The following ABCB11 variants were observed in gnomAD, a reference collection of about 807,000 sequenced individuals.
The protein encoded by ABCB11 is bile salt export pump.
In ABCB11, 95 loss-of-function variants were observed where a neutral mutation model predicts 148.0. That is an observed-to-expected ratio of 0.64 (90% CI 0.54 to 0.76). ABCB11 has a LOEUF of 0.76. ABCB11 is among the 30% of genes least tolerant of loss of function. The probability of loss-of-function intolerance (pLI) is 0.00; values close to 1 mark genes in which losing one functional copy is unlikely to be tolerated. For missense variants in ABCB11, 1,523 were observed against 1,617.8 expected (o/e 0.94, Z 1.01); for synonymous variants, 591 against 555.4 (o/e 1.06, Z -0.90).
In ABCB11 at chr2:168,922,099, T is replaced by C. The variant is rs1186679376; in HGVS notation, c.*1523A>G. Among the ~76,000 whole-genome samples the C allele has an allele frequency of 1.3e-5, 2 of 152,144 alleles. No individual in the cohort carries two copies. Among genetic ancestry groups the C allele is most frequent in the Non-Finnish European group, 2.9e-5 (2 of 68,010 alleles). Reference sequence around the variant, plus strand: ...CTCTCGACCTCATGATCCGCCCGCCTTGGCCTCCCAAAGTGCTGGGATTAC... The same window carrying C: ...CTCTCGACCTCATGATCCGCCCGCCCTGGCCTCCCAAAGTGCTGGGATTAC... On this transcript the variant is annotated 3_prime_UTR_variant, in exon 28 of 28. Coordinates refer to ENST00000650372, the MANE Select transcript of ABCB11 (RefSeq NM_003742.4).
rs140992074 is a variant in ABCB11 at position 169,021,755 on chromosome 2, T to C, written c.-27-3603A>G. 1.2e-3 allele frequency among the ~76,000 whole-genome samples: 183 copies of C among 152,224 alleles called. 4 individuals are homozygous for C. The East Asian group carries it at 0.032, about 27-fold the overall frequency. ...TAATCAAATATATATTTAATTATAA[T>C]TGTAACACAATGTCGATAGATTTTC... On this transcript the variant is annotated intron_variant, in intron 1 of 27. Transcript: ENST00000650372.
intron 22 of ABCB11, among the ~76,000 whole-genome samples, chr2:168,936,023 C>T (rs1381439655): frequency 6.6e-6 from 1 of 152,220 alleles, no homozygotes; most frequent in Admixed American, 6.5e-5. Flanking sequence ...CGCTATTTCT[C>T]CACACTGGCT....
chr2:168,943,877 G>T (rs1047740861), intron 21 of ABCB11, among the ~76,000 whole-genome samples: 4 of 151,896 alleles, frequency 2.6e-5, no homozygotes, highest in African/African-American at 4.8e-5. Context: ...GTTTTTTAAA[G>T]AATTTATTAA....
At chr2:168,938,380 A>G (rs1210391046) in intron 21 of ABCB11, among the ~76,000 whole-genome samples, 1 of 152,238 alleles carries the variant, frequency 6.6e-6, no homozygotes, top group African/African-American at 2.4e-5. Context: ...TAGCATAGAG[A>G]AACTTCAAAA....
chr2:168,927,294 G>A lies in ABCB11; in HGVS notation c.3480C>T (p.Ser1160=). The A allele has an allele frequency of 6.2e-7, 1 of 1,613,826 alleles. No homozygotes were observed. The highest frequency in any genetic ancestry group is 8.5e-7 in the Non-Finnish European group (1 of 1,179,806). ...TACAGGCAAACAACACTGGTTCCTGGGAAACAATTCCAATGTTTGAGCGGA... is the reference window on the plus strand; with the variant it reads ...TACAGGCAAACAACACTGGTTCCTGAGAAACAATTCCAATGTTTGAGCGGA... The part of the protein sequence containing the change: ...QFLRSNIGIV[S]QEPVLFACSI... The change falls in exon 26 of 28, where the codon TCC becomes TCT. Residue 1160 remains serine (S), a synonymous_variant. Coordinates refer to ENST00000650372, the MANE Select transcript of ABCB11 (RefSeq NM_003742.4).
intron 23 of ABCB11, among the ~76,000 whole-genome samples, chr2:168,932,980 T>G (rs1270753286): frequency 6.6e-6 from 1 of 151,530 alleles, no homozygotes; most frequent in Non-Finnish European, 1.5e-5. Context: ...GTGGTGGTGG[T>G]CGCCTGTGGT....
chr2:169,004,382 T>C (rs1694962316), intron 5 of ABCB11, among the ~76,000 whole-genome samples: 1 of 152,190 alleles, frequency 6.6e-6, no homozygotes. Context: ...TTCTTTTTTC[T>C]TTGTCTTTGA....
At position 168,963,042 on chromosome 2, in the gene ABCB11, A is replaced by G. The variant is rs1047066292; in HGVS notation, c.2178+1164T>C. 3.0e-4 allele frequency among the ~76,000 whole-genome samples: 45 copies of G among 151,746 alleles called. 1 individual carries two copies. Among genetic ancestry groups the G allele is most frequent in the Non-Finnish European group, 4.4e-5 (3 of 67,784 alleles). Reference sequence around the variant, plus strand: ...ATAAAGAGTACTCTACTTTATTCCAAATTTGTCCATTATGAATCAATGTTT... The same window carrying G: ...ATAAAGAGTACTCTACTTTATTCCAGATTTGTCCATTATGAATCAATGTTT... On this transcript the variant is annotated intron_variant, in intron 18 of 27. Coordinates refer to ENST00000650372, the MANE Select transcript of ABCB11 (RefSeq NM_003742.4).
rs942516588 is a variant in ABCB11 at position 168,975,660 on chromosome 2, AATATT to A, written c.1308+912_1308+916del. 2.8e-4 allele frequency among the ~76,000 whole-genome samples: 39 copies of A among 138,360 alleles called. 11 individuals are homozygous for A. Among genetic ancestry groups the A allele is most frequent in the African/African-American group, 8.2e-4 (31 of 37,660 alleles). 90.8% of individuals were successfully genotyped at this position (138,360 alleles called of 152,430 possible). A position where few individuals can be genotyped will look rare whatever the true frequency, so the allele number is the denominator to read the frequency against. On this transcript the variant is annotated intron_variant, in intron 12 of 27. Transcript: ENST00000650372. ...ACATATATATGTATTATATATTACAAATATTATATTATATAAATATTTACCTGCAT... is the reference window on the plus strand; with the variant it reads ...ACATATATATGTATTATATATTACAAATATTATATAAATATTTACCTGCAT...
chr2:168,969,521 C>T lies in ABCB11; in HGVS notation c.1840G>A (p.Ala614Thr). The T allele has an allele frequency of 3.7e-6, 6 of 1,612,396 alleles. No homozygotes were observed. Among genetic ancestry groups the T allele is most frequent in the Non-Finnish European group, 5.1e-6 (6 of 1,179,098 alleles). Residue 614 changes from alanine (A) to threonine (T), a missense_variant, in exon 16 of 28, where the codon GCT becomes ACT. Transcript: ENST00000650372. The stretch of plus-strand genomic sequence containing the variant: ...GCTCTGACCGTAGACAAGCGATGAG[C>T]AACTGAAATGATTGTGTGCCCATGC... ...IQHGHTIISV[A>T]HRLSTVRAAD...
chr2:169,021,912 T>A (rs1453806717), intron 1 of ABCB11, among the ~76,000 whole-genome samples: 1 of 152,004 alleles, frequency 6.6e-6, no homozygotes, highest in African/African-American at 2.4e-5. Context: ...TTCTCTATAT[T>A]GTTGTTATTC....
chr2:168,964,917 T>A lies in ABCB11; in HGVS notation c.2076-609A>T, dbSNP rs139116870. ...CAGAAGCTTATTGGGCATCTACAAC[T>A]TACAAACCAATGCCAGGTGATGTTG... On this transcript the variant is annotated intron_variant, in intron 17 of 27. Transcript: ENST00000650372. 3.4e-3 allele frequency among the ~76,000 whole-genome samples: 512 copies of A among 151,936 alleles called. 7 individuals carry two copies. The highest frequency in any genetic ancestry group is 0.011 in the African/African-American group (455 of 41,520).
At chr2:168,991,113 G>A (rs752523914) in intron 8 of ABCB11, among the ~76,000 whole-genome samples, 188 bp from the exon 9 acceptor site, 2 of 152,058 alleles carry the variant, frequency 1.3e-5, no homozygotes, top group Non-Finnish European at 2.9e-5. Flanking sequence ...AGGGTTGTCT[G>A]GTTGTTGATA....
chr2:168,932,965 T>A (rs563234488), intron 23 of ABCB11, among the ~76,000 whole-genome samples: 121 of 151,768 alleles, frequency 8.0e-4, no homozygotes, highest in African/African-American at 2.9e-3. Context: ...AAAAATTAGC[T>A]GGGCGTGGTG....
intron 10 of ABCB11, among the ~76,000 whole-genome samples, chr2:168,985,401 T>G (rs891167239): frequency 6.6e-6 from 1 of 152,110 alleles, no homozygotes; most frequent in African/African-American, 2.4e-5. Flanking sequence ...ACTGGGTATC[T>G]ACCCAGAGGA....
chr2:168,995,182 T>A (rs1694673608), intron 7 of ABCB11, among the ~76,000 whole-genome samples, 167 bp downstream of exon 7: 1 of 152,080 alleles, frequency 6.6e-6, no homozygotes, highest in Admixed American at 6.6e-5. Context: ...AATGTCCATA[T>A]TTGACAGTGT....
intron 7 of ABCB11, among the ~76,000 whole-genome samples, chr2:168,994,292 A>T (rs1246259850): frequency 6.6e-6 from 1 of 152,140 alleles, no homozygotes; most frequent in Non-Finnish European, 1.5e-5. Flanking sequence ...CCCAAGAAGA[A>T]GTAACACCTT....
intron 14 of ABCB11, 98 bp from the exon 15 acceptor site, chr2:168,970,313 A>G: frequency 6.5e-7 from 1 of 1,546,428 alleles, no homozygotes. Context: ...TTTCTTCTCA[A>G]GCACGAATTT....
chr2:168,944,818 A>C, intron 20 of ABCB11, 39 bp downstream of exon 20: 1 of 1,608,624 alleles, frequency 6.2e-7, no homozygotes, highest in Non-Finnish European at 8.5e-7. Context: ...AAAAAAGGAA[A>C]AATAACTAAA....
Sources: allele counts gnomAD v4.1 joint callset (sites outside exome capture counted in the v4.1 genomes callset), GRCh38; gene constraint gnomAD v4.1.1; transcripts MANE v1.5; gene names NCBI Gene and HGNC (gene_info 2026-07-23, HGNC 2026-07-21).